SCN3A: variants seen among roughly 807,000 people sequenced by gnomAD.
The protein encoded by SCN3A is sodium voltage-gated channel alpha subunit 3, also known as sodium channel protein type 3 subunit alpha.
Under a neutral mutation model 187.6 loss-of-function variants are expected in SCN3A, and 60 were observed. That is an observed-to-expected ratio of 0.32 (90% CI 0.26 to 0.40). SCN3A has a LOEUF of 0.40. SCN3A is among the 10% of genes least tolerant of loss of function. SCN3A has a pLI of 1.00. For missense variants in SCN3A, 1,601 were observed against 2,428.2 expected (o/e 0.66, Z 7.16); for synonymous variants, 788 against 829.2 (o/e 0.95, Z 0.85).
Position 165,189,889 on chromosome 2 carries a change from A to G in SCN3A, c.-247-3142T>C, listed in dbSNP as rs374307239. The stretch of plus-strand genomic sequence containing the variant: ...TTTTATCTTCCTTTATACTGATGAC[A>G]TGATATACCTGCTTAAGAATTTTTC... On this transcript the variant is annotated intron_variant, in intron 1 of 27. Transcript: ENST00000283254. Among the ~76,000 whole-genome samples the G allele has an allele frequency of 3.0e-4, 46 of 152,008 alleles. No individual in the cohort carries two copies. The East Asian group carries it at 6.9e-3, about 23-fold the overall frequency.
rs116037731 is a variant in SCN3A at position 165,133,352 on chromosome 2, T to C, written c.2392-1935A>G. The stretch of plus-strand genomic sequence containing the variant: ...GCACACGTATGTTTATTTTCATTTT[T>C]TATTTTTATTATTTTTTTTTGAGAC... On this transcript the variant is annotated intron_variant, in intron 15 of 27. Coordinates refer to ENST00000283254, the MANE Select transcript of SCN3A (RefSeq NM_006922.4). 7.0e-3 allele frequency among the ~76,000 whole-genome samples: 1,065 copies of C among 152,236 alleles called. 6 individuals are homozygous for C. Among genetic ancestry groups the C allele is most frequent in the African/African-American group, 0.024 (995 of 41,544 alleles).
intron 1 of SCN3A, among the ~76,000 whole-genome samples, chr2:165,190,866 T>G (rs969701863): frequency 6.6e-6 from 1 of 151,854 alleles, no homozygotes; most frequent in Non-Finnish European, 1.5e-5. Flanking sequence ...TTTAAAGCAG[T>G]GGTTCTCAAA....
Position 165,127,793 on chromosome 2 carries a change from T to G in SCN3A, c.3231A>C (p.Gly1077=), listed in dbSNP as rs536892903. The part of the protein sequence containing the change: ...GNGTTSGVGT[G]SSVEKYVIDE... ...CGATTACGTATTTTTCAACACTGCT[T>G]CCAGTACCTACACCACTGGTGGTTC... Residue 1077 remains glycine, a synonymous_variant, in exon 18 of 28, where the codon GGA becomes GGC. Coordinates refer to ENST00000283254, the MANE Select transcript of SCN3A (RefSeq NM_006922.4). 1.7e-5 allele frequency: 27 copies of G among 1,614,058 alleles called. No individual in the cohort carries two copies. The highest frequency in any genetic ancestry group is 2.0e-5 in the Non-Finnish European group (24 of 1,180,028).
chr2:165,105,785 G>C (rs568250592), intron 21 of SCN3A, among the ~76,000 whole-genome samples: 1 of 152,164 alleles, frequency 6.6e-6, no homozygotes, highest in Admixed American at 6.5e-5. Flanking sequence ...GGTTGCTTGA[G>C]CCTAGGAGTT....
chr2:165,185,460 T>A (rs1030584185), intron 2 of SCN3A, among the ~76,000 whole-genome samples: 3 of 152,160 alleles, frequency 2.0e-5, no homozygotes, highest in Non-Finnish European at 2.9e-5. Flanking sequence ...GTTTCTTCAC[T>A]CCCAAGAAAG....
Position 165,140,685 on chromosome 2 carries a change from G to A in SCN3A, c.1985C>T (p.Ala662Val), listed in dbSNP as rs2105810943. ...GVVSLVGGPSALTSPTGQLPP... is the reference protein window; with the variant it reads ...GVVSLVGGPSVLTSPTGQLPP... ...AAGTTGTCCAGTAGGTGACGTTAGAGCTGAAGGTCCACCCACCAAGGAAAC... is the reference window on the plus strand; with the variant it reads ...AAGTTGTCCAGTAGGTGACGTTAGAACTGAAGGTCCACCCACCAAGGAAAC... Residue 662 changes from alanine to valine, a missense_variant, in exon 13 of 28, where the codon GCT becomes GTT. Transcript: ENST00000283254. This position sits in a 1 kb window ranked among gnomAD's most constrained non-coding sequence, Gnocchi z 4.2. 2 of 1,614,050 alleles carry A rather than the reference G, an allele frequency of 1.2e-6. No homozygotes were observed. The highest frequency in any genetic ancestry group is 1.7e-6 in the Non-Finnish European group (2 of 1,179,988).
At chr2:165,185,064 A>G (rs1459527636) in intron 2 of SCN3A, among the ~76,000 whole-genome samples, 1 of 151,912 alleles carries the variant, frequency 6.6e-6, no homozygotes, top group African/African-American at 2.4e-5. Flanking sequence ...TGGCTCTGAA[A>G]AAAAAAAAAA....
At chr2:165,115,770 T>A (rs1031095989) in intron 18 of SCN3A, among the ~76,000 whole-genome samples, 195 bp from the exon 19 acceptor site, 9 of 152,132 alleles carry the variant, frequency 5.9e-5, no homozygotes, top group Non-Finnish European at 1.3e-4. Flanking sequence ...CTGACCTGAA[T>A]CAGACAAAAA....
intron 2 of SCN3A, among the ~76,000 whole-genome samples, chr2:165,182,117 AT>A (rs1348309418): frequency 1.3e-5 from 2 of 152,214 alleles, no homozygotes; most frequent in East Asian, 3.9e-4. Context: ...GACAAATGCC[AT>A]TTTGGTATTA....
At chr2:165,135,347 T>C (rs1463054174) in intron 15 of SCN3A, among the ~76,000 whole-genome samples, 1 of 152,126 alleles carries the variant, frequency 6.6e-6, no homozygotes, top group Non-Finnish European at 1.5e-5. Context: ...GTAATTTTTA[T>C]GTACTGCAGA....
intron 5 of SCN3A, among the ~76,000 whole-genome samples, chr2:165,164,960 A>C (rs955968440): frequency 6.6e-6 from 1 of 152,152 alleles, no homozygotes; most frequent in Non-Finnish European, 1.5e-5. Flanking sequence ...AAAATTCAAC[A>C]ATTAATATTA....
chr2:165,093,810 C>G (rs148775570), intron 26 of SCN3A: 3 of 153,128 alleles, frequency 2.0e-5, no homozygotes, highest in African/African-American at 4.8e-5. Context: ...TTCCTTACTC[C>G]TTACCAATCT....
intron 2 of SCN3A, among the ~76,000 whole-genome samples, chr2:165,179,235 G>C (rs1690673375): frequency 6.6e-6 from 1 of 152,140 alleles, no homozygotes; most frequent in Non-Finnish European, 1.5e-5. Flanking sequence ...GGGAGATCTG[G>C]GTTAGTATTG....
At chr2:165,133,210 G>A (rs1687455346) in intron 15 of SCN3A, among the ~76,000 whole-genome samples, 2 of 152,140 alleles carry the variant, frequency 1.3e-5, no homozygotes, top group South Asian at 4.1e-4. Flanking sequence ...CAACCAATGT[G>A]GAAGTCAGTG....
At position 165,127,730 on chromosome 2, in the gene SCN3A, G is replaced by T; in HGVS notation, c.3294C>A (p.Ser1098Arg). The change falls in exon 18 of 28, where the codon AGC becomes AGA. Residue 1098 changes from serine to arginine, a missense_variant. By Grantham distance (110) the Ser-to-Arg change is moderately radical (BLOSUM62 -1). Transcript: ENST00000283254. ...CAGCAATTGGCACTGTGACGGTGAG[G>T]CTGGGGTTGTTTATGAATGACATAT... Reference protein sequence around the residue: ...NDYMSFINNPSLTVTVPIAVG... With the variant: ...NDYMSFINNPRLTVTVPIAVG... The T allele has an allele frequency of 6.2e-7, 1 of 1,614,114 alleles. No individual in the cohort carries two copies. The highest frequency in any genetic ancestry group is 8.5e-7 in the Non-Finnish European group (1 of 1,180,010).
chr2:165,161,594 G>A (rs11885920), intron 9 of SCN3A, among the ~76,000 whole-genome samples: 4 of 152,006 alleles, frequency 2.6e-5, no homozygotes, highest in Non-Finnish European at 5.9e-5. Flanking sequence ...TTTAAGTTCC[G>A]TGTCCTAAGA....
rs763976959 is a variant in SCN3A at position 165,155,901 on chromosome 2, T to A, written c.1034A>T (p.Gln345Leu). ...LLCGNGSDAG[Q>L]CPEGYICVKA... ...CACACAGATGTATCCTTCTGGACAC[T>A]GGCTATAAGAGAGAGAAATGGAGGT... Residue 345 changes from glutamine to leucine, a missense_variant and splice_region_variant, in exon 10 of 28, where the codon CAG becomes CTG. Physicochemically the swap from Gln to Leu is moderately radical, Grantham distance 113 (BLOSUM62 -2). Around this residue, in one of 11 missense-constraint regions of SCN3A, gnomAD observed 47 missense variants for 105.8 expected, o/e 0.44. Transcript: ENST00000283254. 1 of 1,614,074 alleles carries A rather than the reference T, an allele frequency of 6.2e-7. No homozygotes were observed. The highest frequency in any genetic ancestry group is 8.5e-7 in the Non-Finnish European group (1 of 1,179,984).
chr2:165,129,873 T>C (rs766579489), intron 17 of SCN3A, 67 bp downstream of exon 17: 5 of 1,592,358 alleles, frequency 3.1e-6, no homozygotes, highest in Non-Finnish European at 4.3e-6. Flanking sequence ...GTTTACTACA[T>C]CTGGCCACGT....
chr2:165,115,420 G>A (rs775434525), intron 19 of SCN3A, 35 bp downstream of exon 19: 1 of 1,612,702 alleles, frequency 6.2e-7, no homozygotes, highest in South Asian at 1.1e-5. Context: ...AAGAACAAGG[G>A]GAGATTGTAT....
Sources: gnomAD v4.1 joint callset for allele counts (sites outside exome capture counted in the v4.1 genomes callset) on GRCh38, gnomAD v4.1.1 for gene constraint, gnomAD v4.1.1 regional missense constraint, Gnocchi (gnomAD v3.1) non-coding constraint, MANE v1.5 for transcripts, NCBI Gene and HGNC (gene_info 2026-07-23, HGNC 2026-07-21) for gene names.